ITGA9: variants seen among roughly 807,000 people sequenced by gnomAD.
ITGA9 encodes integrin alpha-9.
ITGA9 carries 56 observed loss-of-function variants against 127.8 expected under a neutral mutation model. That is an observed-to-expected ratio of 0.44 (90% CI 0.35 to 0.55). ITGA9 has a LOEUF of 0.55. ITGA9 is among the 20% of genes least tolerant of loss of function. ITGA9 has a pLI of 0.00. For missense variants in ITGA9, 1,196 were observed against 1,347.1 expected (o/e 0.89, Z 1.76); for synonymous variants, 508 against 514.5 (o/e 0.99, Z 0.17).
At chr3:37,795,813 G>C (rs1235185356) in intron 26 of ITGA9, among the ~76,000 whole-genome samples, 1 of 152,088 alleles carries the variant, frequency 6.6e-6, no homozygotes, top group African/African-American at 2.4e-5. Flanking sequence ...TGAAAGCGTG[G>C]ATCTAACCTG....
At chr3:37,776,702 C>A (rs1696912450) in intron 23 of ITGA9, among the ~76,000 whole-genome samples, 1 of 152,240 alleles carries the variant, frequency 6.6e-6, no homozygotes, top group South Asian at 2.1e-4. Context: ...TGCTGTCACT[C>A]AGCACCGTTG....
At chr3:37,766,019 C>T (rs1021082581) in intron 23 of ITGA9, among the ~76,000 whole-genome samples, 2 of 152,218 alleles carry the variant, frequency 1.3e-5, no homozygotes, top group Non-Finnish European at 1.5e-5. Context: ...AGTTTGCTTA[C>T]GTTCATTCCT....
rs190273736 is a variant in ITGA9, at chr3:37,454,349, C to T, written c.185+1790C>T. Among the ~76,000 whole-genome samples the T allele has an allele frequency of 5.3e-5, 8 of 152,334 alleles. No homozygotes were observed. The East Asian group carries it at 1.5e-3, about 29-fold the overall frequency. Reference sequence around the variant, plus strand: ...ATCTGACAGAGAAAAGGTGTTCAGCCTACTTGGATTTAAAACGGGGATGAA... The same window carrying T: ...ATCTGACAGAGAAAAGGTGTTCAGCTTACTTGGATTTAAAACGGGGATGAA... On this transcript the variant is annotated intron_variant, in intron 1 of 27. Transcript: ENST00000264741.
chr3:37,774,717 CA>C (rs377239886), intron 23 of ITGA9, among the ~76,000 whole-genome samples: 6 of 133,038 alleles, frequency 4.5e-5, no homozygotes, highest in Admixed American at 1.5e-4. Context: ...ACCCTGTCTC[CA>C]AAAAAAAAAC....
At chr3:37,733,050 C>G (rs1696313977) in intron 19 of ITGA9, 2 of 502,880 alleles carry the variant, frequency 4.0e-6, no homozygotes, top group Admixed American at 6.3e-5. Flanking sequence ...GTGAAGGACA[C>G]ACCACAGCCT....
intron 24 of ITGA9, among the ~76,000 whole-genome samples, chr3:37,778,972 T>TA (rs1188605403): frequency 1.3e-5 from 2 of 151,396 alleles, no homozygotes; most frequent in Non-Finnish European, 2.9e-5. Flanking sequence ...ATTTTATAGT[T>TA]ACGACTCTGT....
At chr3:37,693,920 A>G (rs909884033) in intron 18 of ITGA9, among the ~76,000 whole-genome samples, 1 of 152,136 alleles carries the variant, frequency 6.6e-6, no homozygotes, top group Admixed American at 6.5e-5. Context: ...GTAAAATTCA[A>G]CCCTTAGATG....
intron 17 of ITGA9, among the ~76,000 whole-genome samples, chr3:37,680,905 G>T (rs1470298750): frequency 6.6e-6 from 1 of 152,146 alleles, no homozygotes; most frequent in African/African-American, 2.4e-5. Context: ...TTTATTGGAG[G>T]CCGTTCAAGA....
chr3:37,756,019 A>G (rs569316323), intron 23 of ITGA9, among the ~76,000 whole-genome samples: 20 of 152,234 alleles, frequency 1.3e-4, no homozygotes, highest in Non-Finnish European at 2.5e-4. Context: ...GAAGTAATAA[A>G]CCTAAATATT....
intron 2 of ITGA9, among the ~76,000 whole-genome samples, chr3:37,472,794 A>G (rs778662904): frequency 4.6e-5 from 7 of 152,230 alleles, no homozygotes; most frequent in African/African-American, 9.6e-5. Context: ...TAACAAATTA[A>G]GGAGCTTACT....
chr3:37,511,011 CA>C (rs1224737780), intron 8 of ITGA9, among the ~76,000 whole-genome samples: 2 of 152,168 alleles, frequency 1.3e-5, no homozygotes, highest in Non-Finnish European at 2.9e-5. Flanking sequence ...TACAAAAGGA[CA>C]TGACCCCAGG....
At chr3:37,502,635 G>A (rs1057438780) in intron 5 of ITGA9, among the ~76,000 whole-genome samples, 1 of 152,142 alleles carries the variant, frequency 6.6e-6, no homozygotes, top group African/African-American at 2.4e-5. Context: ...GTTTGCAGTG[G>A]ACTGTAATGA....
chr3:37,602,828 CTG>C (rs1699934915), intron 15 of ITGA9, among the ~76,000 whole-genome samples: 1 of 152,248 alleles, frequency 6.6e-6, no homozygotes, highest in African/African-American at 2.4e-5. Context: ...AAGGAGGAAA[CTG>C]AGGTTCAAAA....
chr3:37,696,996 T>C (rs1700891518), intron 18 of ITGA9, among the ~76,000 whole-genome samples: 1 of 152,126 alleles, frequency 6.6e-6, no homozygotes, highest in African/African-American at 2.4e-5. Context: ...CAGGGCGAGA[T>C]ATCCAGGGCC....
At chr3:37,688,591 C>T (rs555298247) in intron 18 of ITGA9, among the ~76,000 whole-genome samples, 1 of 152,298 alleles carries the variant, frequency 6.6e-6, no homozygotes, top group South Asian at 2.1e-4. Flanking sequence ...GAGCCTGGTC[C>T]TGCCTGCCTG....
intron 18 of ITGA9, among the ~76,000 whole-genome samples, chr3:37,695,999 C>T (rs1013850612): frequency 1.3e-5 from 2 of 152,166 alleles, no homozygotes; most frequent in African/African-American, 4.8e-5. Context: ...TTGGTTTCCG[C>T]TTCCAACACT....
At chr3:37,803,338 G>A (rs1235506253) in intron 26 of ITGA9, among the ~76,000 whole-genome samples, 2 of 152,168 alleles carry the variant, frequency 1.3e-5, no homozygotes, top group Non-Finnish European at 2.9e-5. Flanking sequence ...CTTTTCAGGT[G>A]CCAGTGAAAA....
At chr3:37,694,214 T>C (rs1700861122) in intron 18 of ITGA9, among the ~76,000 whole-genome samples, 1 of 152,252 alleles carries the variant, frequency 6.6e-6, no homozygotes, top group Non-Finnish European at 1.5e-5. Flanking sequence ...GCTTATCAGA[T>C]GGAAACTCGG....
rs1329727697 is a variant in ITGA9 at position 37,743,916 on chromosome 3, C to T, written c.2325-10C>T. On this transcript the variant is annotated splice_polypyrimidine_tract_variant and intron_variant, in intron 21 of 27. Transcript: ENST00000264741. ...GTGGGGATGACAGATTTCATGCTTTCCTCTTTCAGAATCATGTCTCCAACC... is the reference window on the plus strand; with the variant it reads ...GTGGGGATGACAGATTTCATGCTTTTCTCTTTCAGAATCATGTCTCCAACC... 1 of 1,594,302 alleles carries T rather than the reference C, an allele frequency of 6.3e-7. No individual in the cohort carries two copies.
Sources: allele counts gnomAD v4.1 joint callset (sites outside exome capture counted in the v4.1 genomes callset), GRCh38; gene constraint gnomAD v4.1.1; transcripts MANE v1.5; gene names NCBI Gene and HGNC (gene_info 2026-07-23, HGNC 2026-07-21).